FMNL2: variants seen among roughly 807,000 people sequenced by gnomAD.
FMNL2 encodes the protein formin like 2.
A neutral mutation model predicts 130.2 loss-of-function variants in FMNL2; 51 were observed. The observed-to-expected ratio is 0.39, with a 90% confidence interval of 0.31 to 0.49. FMNL2 has a LOEUF of 0.49. Among genes scored for constraint, FMNL2 ranks in the 20% least tolerant of loss-of-function variants. The pLI is 0.85. For missense variants in FMNL2, 977 were observed against 1,316.2 expected (o/e 0.74, Z 3.99); for synonymous variants, 465 against 467.1 (o/e 1.00, Z 0.06).
At chr2:152,601,673 T>C (rs1389782935) in intron 9 of FMNL2, among the ~76,000 whole-genome samples, 15 of 142,030 alleles carry the variant, frequency 1.1e-4, no homozygotes, top group East Asian at 8.4e-4. Flanking sequence ...TTTTCTTTCT[T>C]TTTTTTTTTT....
At chr2:152,542,976 G>GA (rs34525593) in intron 3 of FMNL2, among the ~76,000 whole-genome samples, 157 bp downstream of exon 3, 3 of 151,740 alleles carry the variant, frequency 2.0e-5, no homozygotes, top group Non-Finnish European at 4.4e-5. Context: ...GAAGACAAAG[G>GA]AAAAAAAACA....
intron 21 of FMNL2, among the ~76,000 whole-genome samples, chr2:152,634,478 C>G (rs1262739352): frequency 6.6e-6 from 1 of 152,140 alleles, no homozygotes. Flanking sequence ...AAAACAGGAA[C>G]CATTAAGATC....
At chr2:152,504,374 G>A (rs1370354163) in intron 1 of FMNL2, among the ~76,000 whole-genome samples, 1 of 151,742 alleles carries the variant, frequency 6.6e-6, no homozygotes, top group Non-Finnish European at 1.5e-5. Context: ...AGCCTCCTGA[G>A]TAGCTGGGAT....
At chr2:152,636,352 T>C in intron 21 of FMNL2, 75 bp from the exon 22 acceptor site, 1 of 1,487,048 alleles carries the variant, frequency 6.7e-7, no homozygotes, top group Non-Finnish European at 9.1e-7. Flanking sequence ...CCTGAGAACT[T>C]GGCCCAGCAG....
intron 1 of FMNL2, among the ~76,000 whole-genome samples, chr2:152,353,695 T>C (rs1337462243): frequency 5.9e-5 from 9 of 152,232 alleles, no homozygotes; most frequent in Non-Finnish European, 8.8e-5. Context: ...TTAAGTGATA[T>C]TGCTTAGTAC....
At chr2:152,592,146 T>C (rs542160528) in intron 9 of FMNL2, among the ~76,000 whole-genome samples, 2 of 152,290 alleles carry the variant, frequency 1.3e-5, no homozygotes, top group East Asian at 3.9e-4. Context: ...CCACAGAAGT[T>C]TGTATTGCCT....
chr2:152,377,106 G>A (rs1684219251), intron 1 of FMNL2, among the ~76,000 whole-genome samples: 1 of 152,222 alleles, frequency 6.6e-6, no homozygotes, highest in African/African-American at 2.4e-5. Context: ...CAGAATTGTG[G>A]CAGGGATGAA....
At position 152,645,575 on chromosome 2, in the gene FMNL2, C is replaced by T. The variant is rs558575948; in HGVS notation, c.3170-2221C>T. The T allele has an allele frequency of 1.0e-5, 12 of 1,147,420 alleles. No homozygotes were observed. The African/African-American group carries it at 1.4e-4, about 14-fold the overall frequency. The allele number at this position is 1,147,420 out of a possible 1,614,324, so 71.1% of individuals were successfully genotyped here. A position where few individuals can be genotyped will look rare whatever the true frequency, so the allele number is the denominator to read the frequency against. ...CTTCCTCCTCTCTCTGTATGCAGAT[C>T]AATGGTTTTCAATCTATGGCTGAGG... On this transcript the variant is annotated intron_variant, in intron 25 of 25. Coordinates refer to ENST00000288670, the MANE Select transcript of FMNL2 (RefSeq NM_052905.4).
At chr2:152,343,397 G>A (rs1363628954) in intron 1 of FMNL2, among the ~76,000 whole-genome samples, 1 of 152,166 alleles carries the variant, frequency 6.6e-6, no homozygotes, top group Non-Finnish European at 1.5e-5. Context: ...CTGGGTTCAA[G>A]CGATCCTCCT....
At chr2:152,453,110 G>A (rs1003535601) in intron 1 of FMNL2, among the ~76,000 whole-genome samples, 4 of 150,534 alleles carry the variant, frequency 2.7e-5, no homozygotes, top group Non-Finnish European at 4.4e-5. Flanking sequence ...GCTGAGGCAG[G>A]AGAATCACTT....
At chr2:152,476,514 A>C (rs1442990935) in intron 1 of FMNL2, among the ~76,000 whole-genome samples, 23 of 152,106 alleles carry the variant, frequency 1.5e-4, no homozygotes, top group Admixed American at 1.5e-3. Context: ...CTATTTAAAA[A>C]ATGAAAAAAT....
At chr2:152,585,451 CAG>C (rs1697012076) in intron 9 of FMNL2, among the ~76,000 whole-genome samples, 3 of 152,210 alleles carry the variant, frequency 2.0e-5, no homozygotes, top group South Asian at 2.1e-4. Context: ...TATATTAGTT[CAG>C]AGTCTTCTTT....
intron 9 of FMNL2, among the ~76,000 whole-genome samples, chr2:152,584,437 T>C (rs547489255): frequency 1.3e-5 from 2 of 152,224 alleles, no homozygotes; most frequent in Non-Finnish European, 2.9e-5. Flanking sequence ...GAAAGGATTA[T>C]CTTTGTTTTT....
Position 152,558,729 on chromosome 2 carries a change from T to C in FMNL2, c.360-11T>C, listed in dbSNP as rs779260101. ...TTTCTCCAATGATTTTTTTTTTTTTTTCCCCAACAGATGGGTCAGAGAATT... is the reference window on the plus strand; with the variant it reads ...TTTCTCCAATGATTTTTTTTTTTTTCTCCCCAACAGATGGGTCAGAGAATT... On this transcript the variant is annotated splice_polypyrimidine_tract_variant and intron_variant, in intron 4 of 25. Transcript: ENST00000288670. The C allele has an allele frequency of 4.3e-5, 68 of 1,596,196 alleles. No homozygotes were observed. The highest frequency in any genetic ancestry group is 1.4e-4 in the Admixed American group (8 of 58,392).
chr2:152,590,980 C>CTTTTTTTTTTTTTTT lies in FMNL2; in HGVS notation c.876+9961_876+9975dup, dbSNP rs1158391663. Among the ~76,000 whole-genome samples the CTTTTTTTTTTTTTTT allele has an allele frequency of 3.5e-4, 23 of 65,792 alleles. 1 individual carries two copies. The highest frequency in any genetic ancestry group is 4.9e-4 in the Non-Finnish European group (19 of 38,590). 43.2% of individuals were successfully genotyped at this position (65,792 alleles called of 152,430 possible). A position where few individuals can be genotyped will look rare whatever the true frequency, so the allele number is the denominator to read the frequency against. On this transcript the variant is annotated intron_variant, in intron 9 of 25. Transcript: ENST00000288670. ...CAGAGTTAGATTTTCCCTCTGATAA[C>CTTTTTTTTTTTTTTT]TTTTTTTTTTTTTTTTTTTTTTTTT...
rs1281459213 is a variant in FMNL2, at chr2:152,648,160, T to A, written c.*255T>A. On this transcript the variant is annotated 3_prime_UTR_variant, in exon 26 of 26. Coordinates refer to ENST00000288670, the MANE Select transcript of FMNL2 (RefSeq NM_052905.4). ...TTGATTAGGTATCTTTTTACACCAG[T>A]ATGTTATTTTTAACCAAAATGTAAA... The A allele has an allele frequency of 1.2e-5, 5 of 406,006 alleles. No individual in the cohort carries two copies. Among genetic ancestry groups the A allele is most frequent in the Non-Finnish European group, 2.2e-5 (5 of 228,974 alleles). 25.2% of individuals were successfully genotyped at this position (406,006 alleles called of 1,614,324 possible). A position where few individuals can be genotyped will look rare whatever the true frequency, so the allele number is the denominator to read the frequency against.
At chr2:152,577,691 C>A (rs762984098) in intron 7 of FMNL2, among the ~76,000 whole-genome samples, 48 of 152,144 alleles carry the variant, frequency 3.2e-4, no homozygotes, top group Non-Finnish European at 5.9e-4. Flanking sequence ...CTGTTAGATG[C>A]TGCTAAGTCA....
rs1016809348 is a variant in FMNL2 at position 152,635,707 on chromosome 2, G to T, written c.2681-720G>T. 1.1e-4 allele frequency among the ~76,000 whole-genome samples: 17 copies of T among 152,312 alleles called. No homozygotes were observed. In the East Asian group the frequency reaches 1.5e-3, roughly 14 times the overall value. On this transcript the variant is annotated intron_variant, in intron 21 of 25. Coordinates refer to ENST00000288670, the MANE Select transcript of FMNL2 (RefSeq NM_052905.4). ...CTAAAGAAGCTGCTCAGGAGGCTGT[G>T]GGGGAGTGCCTGCCCCGGGAGGGGC... is the stretch of plus-strand genomic sequence containing the variant.
intron 1 of FMNL2, among the ~76,000 whole-genome samples, chr2:152,383,294 T>TTTTTTTTTTTA (rs1684588921): frequency 1.3e-5 from 2 of 148,330 alleles, no homozygotes; most frequent in Non-Finnish European, 3.0e-5. Context: ...TTTTTTTTTT[T>TTTTTTTTTTTA]GTAGTTTAGG....
Sources: allele counts gnomAD v4.1 joint callset (sites outside exome capture counted in the v4.1 genomes callset), GRCh38; gene constraint gnomAD v4.1.1; transcripts MANE v1.5; gene names NCBI Gene and HGNC (gene_info 2026-07-23, HGNC 2026-07-21).